The following THSD7B variants were observed in gnomAD, a reference collection of about 807,000 sequenced individuals.
THSD7B encodes the protein thrombospondin type-1 domain-containing protein 7B.
THSD7B carries 138 observed loss-of-function variants against 213.6 expected under a neutral mutation model. That is an observed-to-expected ratio of 0.65 (90% confidence interval 0.56 to 0.74). The LOEUF is 0.74. THSD7B is among the 30% of genes least tolerant of loss of function. The pLI, the probability that THSD7B is intolerant of heterozygous loss-of-function variation, is 0.00. For missense variants in THSD7B, 1,931 were observed against 1,991.5 expected (o/e 0.97, Z 0.58); for synonymous variants, 742 against 687.0 (o/e 1.08, Z -1.25).
At chr2:137,384,505 G>A (rs1685847961) in intron 12 of THSD7B, among the ~76,000 whole-genome samples, 1 of 152,174 alleles carries the variant, frequency 6.6e-6, no homozygotes, top group East Asian at 1.9e-4. Flanking sequence ...GAATAGGAAA[G>A]AGACTGGGGT....
At chr2:137,140,136 T>C (rs897609990) in intron 5 of THSD7B, among the ~76,000 whole-genome samples, 1 of 152,122 alleles carries the variant, frequency 6.6e-6, no homozygotes, top group African/African-American at 2.4e-5. Flanking sequence ...TTTGGTGTAA[T>C]TTAGTGCATA....
chr2:137,405,898 G>A, intron 13 of THSD7B, 91 bp downstream of exon 13: 1 of 1,177,808 alleles, frequency 8.5e-7, no homozygotes, highest in African/African-American at 1.5e-5. Context: ...ACAGGAATTT[G>A]CATCAGGTCT....
intron 2 of THSD7B, among the ~76,000 whole-genome samples, chr2:137,017,685 T>C (rs1211571011): frequency 2.6e-5 from 4 of 152,180 alleles, no homozygotes; most frequent in Admixed American, 2.0e-4. Context: ...CTGTCACTCA[T>C]ACAGGCTTCA....
chr2:137,097,642 C>T (rs904278746), intron 4 of THSD7B, among the ~76,000 whole-genome samples: 1 of 151,950 alleles, frequency 6.6e-6, no homozygotes, highest in Non-Finnish European at 1.5e-5. Flanking sequence ...TCAGGATGTA[C>T]CCAAGATGAG....
intron 2 of THSD7B, among the ~76,000 whole-genome samples, chr2:137,026,699 G>C (rs537676003): frequency 1.3e-5 from 2 of 152,086 alleles, no homozygotes; most frequent in South Asian, 4.2e-4. Context: ...GCCACCTCCT[G>C]GCCATCTGAA....
rs569310479 is a variant in THSD7B, at chr2:137,564,071, A to G, written c.3272+717A>G. On this transcript the variant is annotated intron_variant, in intron 16 of 27. Transcript: ENST00000409968. ...TAAAACAGCAGAAGTTACAATATTT[A>G]TACATAATGATTAGTATGTAAAATA... Among the ~76,000 whole-genome samples, 95 of 152,358 alleles carry G rather than the reference A, an allele frequency of 6.2e-4. 1 individual carries two copies. Among genetic ancestry groups the G allele is most frequent in the African/African-American group, 1.6e-3 (68 of 41,590 alleles).
At chr2:137,420,298 A>G (rs1382518993) in intron 14 of THSD7B, among the ~76,000 whole-genome samples, 1 of 152,088 alleles carries the variant, frequency 6.6e-6, no homozygotes, top group Non-Finnish European at 1.5e-5. Context: ...TGCCTTCTGT[A>G]CCTATCTACT....
intron 4 of THSD7B, among the ~76,000 whole-genome samples, chr2:137,101,967 A>C (rs1255598485): frequency 1.3e-5 from 2 of 152,190 alleles, no homozygotes; most frequent in African/African-American, 4.8e-5. Flanking sequence ...TCACAGCTTT[A>C]GCAGACTTAA....
At chr2:136,899,739 A>G (rs967862669) in intron 2 of THSD7B, among the ~76,000 whole-genome samples, 1 of 152,244 alleles carries the variant, frequency 6.6e-6, no homozygotes, top group African/African-American at 2.4e-5. Context: ...ATAGATTCTC[A>G]TAGTGCGACC....
chr2:137,008,385 G>A (rs1035109331), intron 2 of THSD7B, among the ~76,000 whole-genome samples: 4 of 152,064 alleles, frequency 2.6e-5, no homozygotes, highest in African/African-American at 9.7e-5. Flanking sequence ...AACTAAAGGG[G>A]AACTATAAAA....
intron 2 of THSD7B, among the ~76,000 whole-genome samples, chr2:137,011,821 T>C (rs1191642647): frequency 6.6e-6 from 1 of 152,236 alleles, no homozygotes; most frequent in Admixed American, 6.5e-5. Flanking sequence ...TCTGAATTCC[T>C]ATTGCATTTC....
chr2:137,329,990 C>T (rs1218689421), intron 12 of THSD7B, among the ~76,000 whole-genome samples: 1 of 152,200 alleles, frequency 6.6e-6, no homozygotes, highest in Admixed American at 6.5e-5. Flanking sequence ...CTCAGCTGCT[C>T]CAGGCATGGC....
At chr2:137,202,495 C>T (rs1213449494) in intron 7 of THSD7B, among the ~76,000 whole-genome samples, 2 of 152,112 alleles carry the variant, frequency 1.3e-5, no homozygotes, top group Non-Finnish European at 2.9e-5. Context: ...CCGGGGGCAT[C>T]GACTGCCACA....
chr2:137,180,823 C>T (rs1185124809), intron 7 of THSD7B, among the ~76,000 whole-genome samples: 1 of 152,178 alleles, frequency 6.6e-6, no homozygotes, highest in African/African-American at 2.4e-5. Flanking sequence ...TATGCAATAA[C>T]TTTCAATAGT....
At chr2:137,282,430 T>G (rs1198978432) in intron 12 of THSD7B, among the ~76,000 whole-genome samples, 5 of 152,254 alleles carry the variant, frequency 3.3e-5, no homozygotes, top group African/African-American at 1.2e-4. Flanking sequence ...CTGTCAATGT[T>G]GGCTTTTGTT....
At chr2:137,625,220 C>T (rs1682599975) in intron 20 of THSD7B, among the ~76,000 whole-genome samples, 1 of 151,158 alleles carries the variant, frequency 6.6e-6, no homozygotes, top group Non-Finnish European at 1.5e-5. Flanking sequence ...CAAACTATCA[C>T]AAGGTCAGAA....
At chr2:136,988,284 G>T (rs1685703133) in intron 2 of THSD7B, among the ~76,000 whole-genome samples, 1 of 152,236 alleles carries the variant, frequency 6.6e-6, no homozygotes, top group Admixed American at 6.5e-5. Context: ...GGCCTCAGAA[G>T]TGGAGCAGGG....
intron 5 of THSD7B, among the ~76,000 whole-genome samples, chr2:137,135,083 A>G (rs1679409236): frequency 6.6e-6 from 1 of 152,190 alleles, no homozygotes; most frequent in African/African-American, 2.4e-5. Flanking sequence ...AATAGTAAAC[A>G]TATAATGCTT....
intron 12 of THSD7B, among the ~76,000 whole-genome samples, chr2:137,386,573 C>T (rs765326528): frequency 5.9e-5 from 9 of 152,076 alleles, no homozygotes; most frequent in East Asian, 5.8e-4. Flanking sequence ...GAACTCTGGT[C>T]GGAATCAACT....
Sources: allele counts gnomAD v4.1 joint callset (sites outside exome capture counted in the v4.1 genomes callset), GRCh38; gene constraint gnomAD v4.1.1; transcripts MANE v1.5; gene names NCBI Gene and HGNC (gene_info 2026-07-23, HGNC 2026-07-21).